The following NEK10 variants were observed in gnomAD, a reference collection of about 807,000 sequenced individuals.
NEK10 encodes the protein NIMA related kinase 10.
Under a neutral mutation model 159.8 loss-of-function variants are expected in NEK10, and 122 were observed. That is an observed-to-expected ratio of 0.76 (90% confidence interval 0.66 to 0.89). NEK10 has a LOEUF of 0.89. NEK10 is among the 40% of genes least tolerant of loss of function. NEK10 has a pLI of 0.00. For missense variants in NEK10, 1,342 were observed against 1,323.1 expected, an observed-to-expected ratio of 1.01 and a Z score of -0.22; for synonymous variants, 466 against 457.1, an observed-to-expected ratio of 1.02 and a Z score of -0.25.
chr3:27,317,757 A>C (rs1350646787), intron 6 of NEK10, among the ~76,000 whole-genome samples: 1 of 152,126 alleles, frequency 6.6e-6, no homozygotes, highest in Non-Finnish European at 1.5e-5. Context: ...TCCTCTGTTC[A>C]AAAATCATCA....
chr3:27,352,725 G>A (rs1036162437), intron 2 of NEK10, 87 bp downstream of exon 2: 60 of 939,218 alleles, frequency 6.4e-5, no homozygotes, highest in Non-Finnish European at 9.1e-5. Context: ...GTTGTCAAGA[G>A]TCTTCTCTAT....
chr3:27,304,756 A>T lies in NEK10; in HGVS notation c.1019T>A (p.Ile340Asn). Reference sequence around the variant, plus strand: ...GCCCACTTTTACTCACCCTTGTAAAATATGAAGAAGCTGTTTGATGCCTCC... The same window carrying T: ...GCCCACTTTTACTCACCCTTGTAAATTATGAAGAAGCTGTTTGATGCCTCC... ...IWGGIKQLLHILQGDRNFVSD... is the reference protein window; with the variant it reads ...IWGGIKQLLHNLQGDRNFVSD... The change falls in exon 12 of 36, where the codon ATT becomes AAT. Residue 340 changes from isoleucine to asparagine, a missense_variant. Coordinates refer to ENST00000691995, the MANE Select transcript of NEK10 (RefSeq NM_001394966.1). 6.2e-7 allele frequency: 1 copy of T among 1,611,494 alleles called. No homozygotes were observed. Among genetic ancestry groups the T allele is most frequent in the East Asian group, 2.2e-5 (1 of 44,878 alleles).
intron 6 of NEK10, among the ~76,000 whole-genome samples, chr3:27,318,117 G>A (rs1057385063): frequency 3.3e-5 from 5 of 152,072 alleles, no homozygotes; most frequent in African/African-American, 4.8e-5. Context: ...TTTATTCTTT[G>A]GTTATGATTT....
intron 26 of NEK10, among the ~76,000 whole-genome samples, chr3:27,177,387 A>G (rs566902707): frequency 3.0e-4 from 45 of 152,100 alleles, no homozygotes; most frequent in African/African-American, 1.1e-3. Flanking sequence ...ACTAAAAAAT[A>G]CAAAAAAATT....
At chr3:27,257,742 C>A (rs898450459) in intron 22 of NEK10, among the ~76,000 whole-genome samples, 5 of 151,802 alleles carry the variant, frequency 3.3e-5, no homozygotes, top group Non-Finnish European at 5.9e-5. Flanking sequence ...ACTTGAGTAA[C>A]CCTGGGCAAG....
chr3:27,334,312 A>G (rs780332836), intron 5 of NEK10, among the ~76,000 whole-genome samples: 6 of 152,166 alleles, frequency 3.9e-5, no homozygotes, highest in Non-Finnish European at 8.8e-5. Context: ...GGTTAGTCCT[A>G]CAACTGCCAC....
At chr3:27,337,133 A>G (rs1396920905) in intron 5 of NEK10, among the ~76,000 whole-genome samples, 1 of 152,250 alleles carries the variant, frequency 6.6e-6, no homozygotes. Context: ...GTTGCAGGAT[A>G]CAAAATCAAC....
chr3:27,149,314 T>C (rs1477952114), intron 30 of NEK10, among the ~76,000 whole-genome samples: 1 of 152,128 alleles, frequency 6.6e-6, no homozygotes, highest in Non-Finnish European at 1.5e-5. Flanking sequence ...TTTACAAGTA[T>C]ACCTCATTTC....
chr3:27,256,247 T>C (rs1204745653), intron 23 of NEK10, 49 bp downstream of exon 23: 11 of 833,582 alleles, frequency 1.3e-5, no homozygotes, highest in Middle Eastern at 2.4e-4. Context: ...AATGAAAGCC[T>C]AAATCAGTTA....
At chr3:27,202,602 T>A in intron 23 of NEK10, 45 bp from the exon 24 acceptor site, 2 of 1,457,854 alleles carry the variant, frequency 1.4e-6, no homozygotes, top group Non-Finnish European at 1.8e-6. Context: ...GAAGGGAGAA[T>A]CCGCTCAGAA....
At chr3:27,260,417 T>C (rs2040300042) in intron 22 of NEK10, among the ~76,000 whole-genome samples, 1 of 152,078 alleles carries the variant, frequency 6.6e-6, no homozygotes, top group South Asian at 2.1e-4. Flanking sequence ...TTATTGAGAG[T>C]TTTTAGCATG....
chr3:27,331,014 T>A (rs951630969), intron 5 of NEK10, among the ~76,000 whole-genome samples: 1 of 151,860 alleles, frequency 6.6e-6, no homozygotes, highest in African/African-American at 2.4e-5. Flanking sequence ...AGTGGGCGGA[T>A]CACCTGAGGT....
chr3:27,217,612 A>G (rs923468416), intron 23 of NEK10, among the ~76,000 whole-genome samples: 2 of 152,182 alleles, frequency 1.3e-5, no homozygotes, highest in African/African-American at 4.8e-5. Context: ...GGGTGGGGAC[A>G]CAAATCCAAA....
At chr3:27,195,092 T>C (rs1242866334) in intron 25 of NEK10, among the ~76,000 whole-genome samples, 1 of 152,074 alleles carries the variant, frequency 6.6e-6, no homozygotes, top group Non-Finnish European at 1.5e-5. Flanking sequence ...GACAAGGATG[T>C]GAAAAATAAT....
intron 1 of NEK10, among the ~76,000 whole-genome samples, chr3:27,368,382 G>A (rs927112700): frequency 1.1e-4 from 17 of 151,908 alleles, no homozygotes; most frequent in Non-Finnish European, 2.4e-4. Flanking sequence ...AAGTGGATTG[G>A]ATAGATAGGG....
chr3:27,151,581 T>C (rs58841255), intron 30 of NEK10, among the ~76,000 whole-genome samples: 5,641 of 152,152 alleles, frequency 0.037, 244 homozygotes, highest in African/African-American at 0.11. Flanking sequence ...GCCCTGGTAA[T>C]ATGACAAAAC....
intron 28 of NEK10, 96 bp downstream of exon 28, chr3:27,174,343 T>C: frequency 6.3e-7 from 1 of 1,582,914 alleles, no homozygotes. Context: ...AACCACTGGG[T>C]TATGTATATG....
chr3:27,202,520 C>A lies in NEK10; in HGVS notation c.2128G>T (p.Ala710Ser). 1 of 1,612,678 alleles carries A rather than the reference C, an allele frequency of 6.2e-7. No homozygotes were observed. Among genetic ancestry groups the A allele is most frequent in the Non-Finnish European group, 8.5e-7 (1 of 1,179,220 alleles). Residue 710 changes from alanine (A) to serine (S), a missense_variant, in exon 24 of 36, where the codon GCT (alanine) becomes TCT (serine). Ala to Ser is a moderately conservative substitution (Grantham distance 99). Transcript: ENST00000691995. Reference protein sequence around the residue: ...VLKSEPYGEKADVWAVGCILY... With the variant: ...VLKSEPYGEKSDVWAVGCILY... ...ATGCAGCCTACTGCCCAGACATCAG[C>A]CTTCTCCCCATACGGCTCACTCTTC...
chr3:27,294,087 C>T (rs553772222), intron 15 of NEK10, among the ~76,000 whole-genome samples: 36 of 152,194 alleles, frequency 2.4e-4, no homozygotes, highest in African/African-American at 8.2e-4. Flanking sequence ...TAAAAATAGC[C>T]GCAGGCACAC....
Sources: allele counts gnomAD v4.1 joint callset (sites outside exome capture counted in the v4.1 genomes callset), GRCh38; gene constraint gnomAD v4.1.1; transcripts MANE v1.5; gene names NCBI Gene and HGNC (gene_info 2026-07-23, HGNC 2026-07-21).